The following WWC2 variants were observed in gnomAD, a reference collection of about 807,000 sequenced individuals.
The protein encoded by WWC2 is protein WWC2.
WWC2 carries 101 observed loss-of-function variants against 138.5 expected under a neutral mutation model. That is an observed-to-expected ratio of 0.73 (90% CI 0.62 to 0.86). WWC2 has a LOEUF of 0.86. Among genes scored for constraint, WWC2 ranks in the 40% least tolerant of loss-of-function variants. The pLI is 0.00. For missense variants in WWC2, 1,420 were observed against 1,419.4 expected, an observed-to-expected ratio of 1.00 and a Z score of -0.01; for synonymous variants, 558 against 538.4, an observed-to-expected ratio of 1.04 and a Z score of -0.50.
In WWC2 at chr4:183,198,113, A is replaced by G. The variant is rs535736552; in HGVS notation, c.241+4405A>G. Among the ~76,000 whole-genome samples the G allele has an allele frequency of 6.3e-4, 96 of 152,308 alleles. 3 individuals are homozygous for G. In the South Asian group the frequency reaches 0.02, roughly 31 times the overall value. ...ACCTACTTGGGAGGCTGAGGTGGGCAGATTGCTGGAGCCTAGGAGTTCAAG... is the reference window on the plus strand; with the variant it reads ...ACCTACTTGGGAGGCTGAGGTGGGCGGATTGCTGGAGCCTAGGAGTTCAAG... On this transcript the variant is annotated intron_variant, in intron 2 of 22. Transcript: ENST00000403733.
chr4:183,118,543 C>A (rs756644568), intron 1 of WWC2, among the ~76,000 whole-genome samples: 1 of 152,086 alleles, frequency 6.6e-6, no homozygotes, highest in Non-Finnish European at 1.5e-5. Context: ...ATCTTTTGTC[C>A]TGTGTTGCTA....
intron 1 of WWC2, among the ~76,000 whole-genome samples, chr4:183,122,693 G>A (rs1370840026): frequency 6.6e-6 from 1 of 151,890 alleles, no homozygotes; most frequent in African/African-American, 2.4e-5. Context: ...CTAATTTTGT[G>A]TTTTTAGTAG....
Position 183,206,393 on chromosome 4 carries a change from T to C in WWC2, c.242-1560T>C, listed in dbSNP as rs530935208. The stretch of plus-strand genomic sequence containing the variant: ...TATCCCCTGTTTGTGTTTGCTGTTG[T>C]TGGGAGTGGGGTCCACTCGGATACA... On this transcript the variant is annotated intron_variant, in intron 2 of 22. Coordinates refer to ENST00000403733, the MANE Select transcript of WWC2 (RefSeq NM_024949.6). Among the ~76,000 whole-genome samples the C allele has an allele frequency of 3.3e-5, 5 of 152,270 alleles. No individual in the cohort carries two copies. The East Asian group carries it at 7.7e-4, about 24-fold the overall frequency.
At chr4:183,221,597 A>G (rs1335419749) in intron 4 of WWC2, among the ~76,000 whole-genome samples, 1 of 152,222 alleles carries the variant, frequency 6.6e-6, no homozygotes, top group East Asian at 1.9e-4. Flanking sequence ...ACAGAAATAT[A>G]TCTGGAAAAA....
intron 1 of WWC2, among the ~76,000 whole-genome samples, chr4:183,119,900 T>G (rs1052181259): frequency 7.9e-5 from 12 of 152,210 alleles, no homozygotes; most frequent in Non-Finnish European, 1.5e-5. Flanking sequence ...CCCTGAGTTC[T>G]TTACTCTGAT....
At chr4:183,107,551 A>G (rs1186511264) in intron 1 of WWC2, among the ~76,000 whole-genome samples, 2 of 152,044 alleles carry the variant, frequency 1.3e-5, no homozygotes, top group Non-Finnish European at 1.5e-5. Flanking sequence ...TGATGGCCTT[A>G]GTTGGGCCCA....
chr4:183,269,523 A>G (rs1377188935), intron 15 of WWC2: 1 of 484,114 alleles, frequency 2.1e-6, no homozygotes, highest in East Asian at 6.6e-5. Flanking sequence ...ATCTCATTTA[A>G]TCCTCATGAC....
At chr4:183,288,672 A>G (rs908745085) in intron 20 of WWC2, among the ~76,000 whole-genome samples, 4 of 152,212 alleles carry the variant, frequency 2.6e-5, no homozygotes, top group African/African-American at 9.6e-5. Context: ...GCCCCAGCAG[A>G]CATTTATTCA....
intron 1 of WWC2, among the ~76,000 whole-genome samples, chr4:183,111,359 G>C (rs1277913507): frequency 6.6e-6 from 1 of 152,228 alleles, no homozygotes; most frequent in African/African-American, 2.4e-5. Flanking sequence ...ATTCAGTTAA[G>C]TTTAAAATGT....
At chr4:183,284,080 T>G in intron 18 of WWC2, 146 bp from the exon 19 acceptor site, 1 of 873,686 alleles carries the variant, frequency 1.1e-6, no homozygotes, top group South Asian at 1.9e-5. Flanking sequence ...TACTATAGTC[T>G]GTAATGCAAA....
chr4:183,247,679 A>G (rs1736838111), intron 6 of WWC2, among the ~76,000 whole-genome samples: 1 of 140,172 alleles, frequency 7.1e-6, no homozygotes, highest in Non-Finnish European at 1.5e-5. Context: ...TATTATATGT[A>G]CTATATTCTA....
At chr4:183,195,241 C>T (rs1735104082) in intron 2 of WWC2, among the ~76,000 whole-genome samples, 1 of 152,198 alleles carries the variant, frequency 6.6e-6, no homozygotes, top group South Asian at 2.1e-4. Flanking sequence ...ATTTAACTCT[C>T]ACTTTTATGC....
chr4:183,250,088 A>T, intron 8 of WWC2, 95 bp downstream of exon 8: 1 of 1,135,254 alleles, frequency 8.8e-7, no homozygotes, highest in Non-Finnish European at 1.3e-6. Context: ...GGCACTCCCC[A>T]TACATTCTTA....
At chr4:183,267,098 T>C (rs1277481198) in intron 14 of WWC2, among the ~76,000 whole-genome samples, 3 of 151,620 alleles carry the variant, frequency 2.0e-5, no homozygotes, top group South Asian at 4.2e-4. Flanking sequence ...CTCCCTGGGC[T>C]CTCCCACCTT....
At chr4:183,290,709 A>G (rs184757786) in intron 21 of WWC2, among the ~76,000 whole-genome samples, 1 of 152,240 alleles carries the variant, frequency 6.6e-6, no homozygotes, top group Admixed American at 6.5e-5. Context: ...CATAGCTGAA[A>G]TACTAATATT....
chr4:183,192,646 A>G (rs1470319061), intron 1 of WWC2, among the ~76,000 whole-genome samples: 1 of 152,238 alleles, frequency 6.6e-6, no homozygotes, highest in East Asian at 1.9e-4. Flanking sequence ...AAAATGACCT[A>G]TATTTCAGTT....
chr4:183,231,427 A>G (rs2111288714), intron 4 of WWC2, among the ~76,000 whole-genome samples: 1 of 150,754 alleles, frequency 6.6e-6, no homozygotes, highest in South Asian at 2.1e-4. Context: ...GTACCACCAC[A>G]CTCAGCTAAT....
chr4:183,099,973 C>T (rs1256597681), intron 1 of WWC2, among the ~76,000 whole-genome samples: 2 of 152,240 alleles, frequency 1.3e-5, no homozygotes. Flanking sequence ...ACACCTTCGG[C>T]CTCTGGGCGG....
chr4:183,105,838 A>G (rs528477538), intron 1 of WWC2, among the ~76,000 whole-genome samples: 1 of 151,814 alleles, frequency 6.6e-6, no homozygotes, highest in African/African-American at 2.4e-5. Context: ...TGCAGTGAGC[A>G]GACATTGCGC....
Sources: allele counts gnomAD v4.1 joint callset (sites outside exome capture counted in the v4.1 genomes callset), GRCh38; gene constraint gnomAD v4.1.1; transcripts MANE v1.5; gene names NCBI Gene and HGNC (gene_info 2026-07-23, HGNC 2026-07-21).